The following CYRIB variants were observed in gnomAD, a reference collection of about 807,000 sequenced individuals.
The protein encoded by CYRIB is CYFIP-related Rac1 interactor B.
A neutral mutation model predicts 44.2 loss-of-function variants in CYRIB; 8 were observed. The observed-to-expected ratio is 0.18, with a 90% CI of 0.11 to 0.33. The LOEUF is 0.33. CYRIB is among the 10% of genes least tolerant of loss of function. The pLI, the probability that CYRIB is intolerant of heterozygous loss-of-function variation, is 1.00. For synonymous variants in CYRIB, 131 were observed against 127.2 expected (o/e 1.03, Z -0.20); for missense variants, 185 against 382.8 (o/e 0.48, Z 4.31).
intron 5 of CYRIB, among the ~76,000 whole-genome samples, chr8:129,861,020 C>T (rs2132224397): frequency 6.6e-6 from 1 of 152,258 alleles, no homozygotes; most frequent in East Asian, 1.9e-4. Context: ...TATATACCCC[C>T]TGGTTTCTGG....
rs533022418 is a variant in CYRIB, at chr8:129,964,799, G to A, written c.-243+6144C>T. The stretch of plus-strand genomic sequence containing the variant: ...CTCAGGAGGCTGAGCCTGGGAGGTC[G>A]AGGCTGCAGTGAGCCGTGATCGTGC... On this transcript the variant is annotated intron_variant, in intron 2 of 14. Coordinates refer to the CYRIB transcript ENST00000401979. 3.9e-5 allele frequency among the ~76,000 whole-genome samples: 6 copies of A among 152,326 alleles called. No homozygotes were observed. The South Asian group carries it at 8.3e-4, about 21-fold the overall frequency.
chr8:129,857,982 T>C (rs917916157), intron 5 of CYRIB, among the ~76,000 whole-genome samples: 7 of 152,356 alleles, frequency 4.6e-5, no homozygotes, highest in Admixed American at 1.3e-4. Flanking sequence ...CAGTGACCAG[T>C]AGTTGCAGAA....
chr8:129,925,408 A>G (rs550603079), intron 1 of CYRIB, among the ~76,000 whole-genome samples: 12 of 152,134 alleles, frequency 7.9e-5, no homozygotes, highest in East Asian at 1.9e-4. Flanking sequence ...TAATAATAAT[A>G]ATGATGACAA....
At chr8:129,853,143 T>C (rs891075962) in intron 7 of CYRIB, among the ~76,000 whole-genome samples, 2 of 152,036 alleles carry the variant, frequency 1.3e-5, no homozygotes, top group East Asian at 1.9e-4. Flanking sequence ...TTGAAAAAAA[T>C]TGGATTTTAC....
At chr8:129,945,069 T>C (rs536254547) in intron 2 of CYRIB, among the ~76,000 whole-genome samples, 1 of 152,132 alleles carries the variant, frequency 6.6e-6, no homozygotes, top group South Asian at 2.1e-4. Flanking sequence ...AGGCAAAAGG[T>C]GTTGGAGAAG....
chr8:129,935,144 G>A (rs992434114), intron 1 of CYRIB, among the ~76,000 whole-genome samples: 5 of 152,128 alleles, frequency 3.3e-5, no homozygotes, highest in Non-Finnish European at 4.4e-5. Flanking sequence ...GACATATTAC[G>A]TCACATTATG....
intron 1 of CYRIB, among the ~76,000 whole-genome samples, chr8:129,918,528 C>T (rs1204666492): frequency 6.6e-6 from 1 of 152,156 alleles, no homozygotes; most frequent in African/African-American, 2.4e-5. Flanking sequence ...TTGTTACAGA[C>T]TACAATTACA....
chr8:129,973,027 A>C (rs117099104), intron 1 of CYRIB, among the ~76,000 whole-genome samples: 3,576 of 152,254 alleles, frequency 0.023, 62 homozygotes, highest in Middle Eastern at 0.048. Flanking sequence ...ACACTCATTC[A>C]CTCAATAGCT....
intron 1 of CYRIB, among the ~76,000 whole-genome samples, chr8:129,995,567 G>A (rs1044338884): frequency 3.3e-5 from 5 of 152,208 alleles, no homozygotes; most frequent in African/African-American, 1.2e-4. Flanking sequence ...AAAGATGAAT[G>A]AGTTGCCATC....
chr8:129,854,990 C>T (rs959233137), intron 6 of CYRIB, among the ~76,000 whole-genome samples: 2 of 150,852 alleles, frequency 1.3e-5, no homozygotes, highest in East Asian at 1.9e-4. Flanking sequence ...AGGAAGAAAG[C>T]GGGAAAGGAG....
intron 1 of CYRIB, among the ~76,000 whole-genome samples, chr8:129,988,987 A>G (rs1277174367): frequency 6.6e-6 from 1 of 152,198 alleles, no homozygotes; most frequent in Non-Finnish European, 1.5e-5. Context: ...TGGAAACTGA[A>G]ATTTCAAGAA....
At chr8:129,930,980 G>C (rs1338251729) in intron 1 of CYRIB, among the ~76,000 whole-genome samples, 1 of 151,504 alleles carries the variant, frequency 6.6e-6, no homozygotes, top group Non-Finnish European at 1.5e-5. Flanking sequence ...CTAAATACCA[G>C]GACACATTTA....
chr8:129,980,227 C>T (rs1448483311), intron 1 of CYRIB, among the ~76,000 whole-genome samples: 1 of 91,782 alleles, frequency 1.1e-5, no homozygotes, highest in Non-Finnish European at 2.3e-5. Flanking sequence ...GACTCCATCT[C>T]AAAAAAAAAA....
intron 3 of CYRIB, among the ~76,000 whole-genome samples, chr8:129,873,336 T>C (rs1483350496): frequency 6.6e-6 from 1 of 152,000 alleles, no homozygotes; most frequent in Non-Finnish European, 1.5e-5. Flanking sequence ...TTAGCTTTCT[T>C]ATAGATCAAG....
At chr8:129,910,269 G>C (rs1355502684) in intron 1 of CYRIB, among the ~76,000 whole-genome samples, 2 of 152,154 alleles carry the variant, frequency 1.3e-5, no homozygotes, top group African/African-American at 2.4e-5. Flanking sequence ...GGCACCCCTT[G>C]TGCAGAGGGC....
At chr8:129,937,083 C>A (rs1590464051) in intron 1 of CYRIB, among the ~76,000 whole-genome samples, 1 of 152,144 alleles carries the variant, frequency 6.6e-6, no homozygotes, top group African/African-American at 2.4e-5. Flanking sequence ...AAATTTTTTG[C>A]CACATAATTA....
At chr8:129,855,814 T>C in intron 5 of CYRIB, 67 bp from the exon 8 acceptor site, 1 of 1,422,206 alleles carries the variant, frequency 7.0e-7, no homozygotes, top group Non-Finnish European at 9.6e-7. Context: ...TATTAAAAAG[T>C]GAACAATTCA....
At chr8:129,985,060 A>G (rs116145356) in intron 1 of CYRIB, among the ~76,000 whole-genome samples, 7,933 of 152,142 alleles carry the variant, frequency 0.052, 195 homozygotes, top group Middle Eastern at 0.071. Context: ...GTGAGCCACC[A>G]CGCCCCACCC....
Position 129,980,367 on chromosome 8 carries a change from T to A in CYRIB, c.-295-9372A>T, listed in dbSNP as rs550873915. ...CAACTACATAGCGTGGTGCTTAACA[T>A]GTTGATAAATGTTCAAAAGAAGTTT... On this transcript the variant is annotated intron_variant, in intron 1 of 14. Transcript: ENST00000401979. 5.9e-5 allele frequency among the ~76,000 whole-genome samples: 9 copies of A among 152,320 alleles called. 1 individual carries two copies. The South Asian group carries it at 1.9e-3, about 32-fold the overall frequency.
Sources: gnomAD v4.1 joint callset for allele counts (sites outside exome capture counted in the v4.1 genomes callset) on GRCh38, gnomAD v4.1.1 for gene constraint, MANE v1.5 for transcripts, NCBI Gene and HGNC (gene_info 2026-07-23, HGNC 2026-07-21) for gene names.